SMOC2: variants seen among roughly 807,000 people sequenced by gnomAD.
SMOC2 encodes the protein SPARC related modular calcium binding 2.
A neutral mutation model predicts 61.4 loss-of-function variants in SMOC2; 39 were observed. That is an observed-to-expected ratio of 0.64 (90% CI 0.49 to 0.83). The LOEUF is 0.83. SMOC2 is among the 40% of genes least tolerant of loss of function. The pLI is 0.00. For missense variants in SMOC2, 556 were observed against 592.9 expected, an observed-to-expected ratio of 0.94 and a Z score of 0.65; for synonymous variants, 247 against 239.9, an observed-to-expected ratio of 1.03 and a Z score of -0.27.
At chr6:168,511,595 G>T (rs1352062347) in intron 2 of SMOC2, among the ~76,000 whole-genome samples, 1 of 152,144 alleles carries the variant, frequency 6.6e-6, no homozygotes, top group Non-Finnish European at 1.5e-5. Context: ...GTGCATCCCT[G>T]TCATTAAGAA....
intron 9 of SMOC2, among the ~76,000 whole-genome samples, chr6:168,615,586 T>C (rs80017551): frequency 1.5e-3 from 77 of 53,044 alleles, no homozygotes; most frequent in African/African-American, 4.4e-3. Flanking sequence ...GGCCTCTTCA[T>C]ACCTACAGCC....
intron 1 of SMOC2, among the ~76,000 whole-genome samples, chr6:168,473,662 T>C (rs1156781902): frequency 1.3e-5 from 2 of 152,136 alleles, no homozygotes; most frequent in African/African-American, 2.4e-5. Flanking sequence ...CTTGAGAATT[T>C]GGTGCAGGCC....
intron 2 of SMOC2, among the ~76,000 whole-genome samples, chr6:168,520,917 A>G (rs1402553290): frequency 2.6e-5 from 4 of 152,154 alleles, no homozygotes; most frequent in Non-Finnish European, 2.9e-5. Context: ...AAGTTTTCTC[A>G]AAGATCCCTT....
intron 9 of SMOC2, among the ~76,000 whole-genome samples, chr6:168,625,688 C>G (rs1786389947): frequency 6.6e-6 from 1 of 152,200 alleles, no homozygotes; most frequent in African/African-American, 2.4e-5. Context: ...CACAGCCAAG[C>G]CGAGCCAAGT....
At chr6:168,652,099 A>G (rs1480874203) in intron 10 of SMOC2, among the ~76,000 whole-genome samples, 1 of 152,166 alleles carries the variant, frequency 6.6e-6, no homozygotes, top group African/African-American at 2.4e-5. Context: ...TCAACTTTAC[A>G]TCTTCTATTC....
chr6:168,647,523 C>A (rs986956225), intron 9 of SMOC2, among the ~76,000 whole-genome samples: 2 of 152,202 alleles, frequency 1.3e-5, no homozygotes, highest in Non-Finnish European at 2.9e-5. Context: ...CATCACCGTG[C>A]CGGACACAGC....
intron 2 of SMOC2, among the ~76,000 whole-genome samples, chr6:168,524,748 C>A (rs553995031): frequency 2.0e-5 from 3 of 152,382 alleles, no homozygotes; most frequent in African/African-American, 7.2e-5. Context: ...GCTGGCCAGG[C>A]CAGACTTTAG....
intron 10 of SMOC2, among the ~76,000 whole-genome samples, chr6:168,651,060 G>A (rs559091247): frequency 4.8e-4 from 73 of 152,318 alleles, no homozygotes; most frequent in African/African-American, 1.3e-3. Context: ...CTTTTGGTGC[G>A]GAGCAGGGCA....
In SMOC2 at chr6:168,667,426, C is replaced by G. The variant is rs568594800; in HGVS notation, c.*988C>G. The G allele has an allele frequency of 1.4e-4, 22 of 152,202 alleles. 1 individual carries two copies. Among genetic ancestry groups the G allele is most frequent in the Non-Finnish European group, 2.5e-4 (17 of 68,018 alleles). 9.4% of individuals were successfully genotyped at this position (152,202 alleles called of 1,614,324 possible). ...TGCCCCCGGGGCTGGTGTTGGCAGC[C>G]GGGGGGAGGTGCCTGAGGGTCCCCA... On this transcript the variant is annotated 3_prime_UTR_variant, in exon 13 of 13. Transcript: ENST00000356284.
intron 1 of SMOC2, among the ~76,000 whole-genome samples, chr6:168,484,357 G>A (rs1782280803): frequency 1.3e-5 from 2 of 152,034 alleles, no homozygotes; most frequent in African/African-American, 4.8e-5. Flanking sequence ...CACATGCTTA[G>A]CATCATGGAA....
At chr6:168,486,644 A>T (rs1782347128) in intron 1 of SMOC2, among the ~76,000 whole-genome samples, 1 of 151,488 alleles carries the variant, frequency 6.6e-6, no homozygotes, top group Non-Finnish European at 1.5e-5. Flanking sequence ...AGCGCATCCA[A>T]ACCGACTGCG....
At chr6:168,596,336 C>A (rs1320013983) in intron 7 of SMOC2, among the ~76,000 whole-genome samples, 1 of 141,260 alleles carries the variant, frequency 7.1e-6, no homozygotes, top group Non-Finnish European at 1.6e-5. Context: ...TGAACAGGTG[C>A]CATGTGAACA....
rs542388934 is a variant in SMOC2, at chr6:168,569,689, C to G, written c.637+20486C>G. On this transcript the variant is annotated intron_variant, in intron 7 of 12. Coordinates refer to ENST00000356284, the MANE Select transcript of SMOC2 (RefSeq NM_001166412.2). The stretch of plus-strand genomic sequence containing the variant: ...CAACTCCTTAGCTCAAGCTATCTGC[C>G]TGTCTCGGCCTTCCAGAGTGCTGGG... Among the ~76,000 whole-genome samples the G allele has an allele frequency of 2.0e-5, 3 of 152,296 alleles. No homozygotes were observed. The East Asian group carries it at 5.8e-4, about 29-fold the overall frequency.
chr6:168,653,115 A>T lies in SMOC2; in HGVS notation c.1172A>T (p.Lys391Met). 1.9e-6 allele frequency: 3 copies of T among 1,614,200 alleles called. No individual in the cohort carries two copies. The South Asian group carries it at 3.3e-5, about 18-fold the overall frequency. The change falls in exon 11 of 13, where the codon AAG becomes ATG. Residue 391 changes from lysine to methionine, a missense_variant. Lys to Met is a moderately conservative substitution (Grantham distance 95). Transcript: ENST00000356284. ...KKSKPKKCVK[K>M]FVEYCDVNND... Reference sequence around the variant, plus strand: ...TCAAAGCCCAAAAAATGTGTGAAGAAGTTTGTTGAATACTGTGACGTGAAT... The same window carrying T: ...TCAAAGCCCAAAAAATGTGTGAAGATGTTTGTTGAATACTGTGACGTGAAT...
rs181550063 is a variant in SMOC2, at chr6:168,646,812, G to A, written c.908-3869G>A. ...TGGGGCAAAACCAGGATAGAACCCG[G>A]TGTTTCCACAGAAACCTCACAGATG... On this transcript the variant is annotated intron_variant, in intron 9 of 12. Transcript: ENST00000356284. 2.4e-3 allele frequency among the ~76,000 whole-genome samples: 360 copies of A among 152,298 alleles called. 3 individuals carry two copies. The highest frequency in any genetic ancestry group is 8.4e-3 in the African/African-American group (349 of 41,568).
intron 7 of SMOC2, among the ~76,000 whole-genome samples, chr6:168,596,103 C>T (rs10945523): frequency 0.11 from 3,491 of 31,906 alleles, 75 homozygotes; most frequent in East Asian, 0.19. Context: ...ACAAGCGCCA[C>T]GTGAACACGG....
chr6:168,576,411 A>C (rs1784805601), intron 7 of SMOC2, among the ~76,000 whole-genome samples: 1 of 152,166 alleles, frequency 6.6e-6, no homozygotes. Flanking sequence ...GTCGGGCAGC[A>C]GATGGCTGAC....
At chr6:168,663,867 T>C (rs2115294213) in intron 11 of SMOC2, among the ~76,000 whole-genome samples, 1 of 152,288 alleles carries the variant, frequency 6.6e-6, no homozygotes, top group South Asian at 2.1e-4. Flanking sequence ...AGCTTGAGAA[T>C]TGGAGGATTT....
At chr6:168,663,933 G>A in intron 11 of SMOC2, 141 bp from the exon 12 acceptor site, 1 of 655,008 alleles carries the variant, frequency 1.5e-6, no homozygotes, top group Non-Finnish European at 2.6e-6. Context: ...ATGACTGTAT[G>A]TGGTTTTTTT....
Sources: gnomAD v4.1 joint callset for allele counts (sites outside exome capture counted in the v4.1 genomes callset) on GRCh38, gnomAD v4.1.1 for gene constraint, MANE v1.5 for transcripts, NCBI Gene and HGNC (gene_info 2026-07-23, HGNC 2026-07-21) for gene names.